SFTPB: variants seen among roughly 807,000 people sequenced by gnomAD.
SFTPB encodes the protein pulmonary surfactant-associated protein B.
SFTPB carries 32 observed loss-of-function variants against 51.0 expected under a neutral mutation model. The ratio of observed to expected loss-of-function variants is 0.63; its 90% confidence interval spans 0.47 to 0.84. SFTPB has a LOEUF of 0.84. SFTPB is among the 40% of genes least tolerant of loss of function. The probability of loss-of-function intolerance (pLI) is 0.00; values close to 1 mark genes in which losing one functional copy is unlikely to be tolerated. For synonymous variants in SFTPB, 211 were observed against 208.5 expected, an observed-to-expected ratio of 1.01 and a Z score of -0.10; for missense variants, 431 against 491.2, an observed-to-expected ratio of 0.88 and a Z score of 1.16.
In SFTPB at chr2:85,659,546, C is replaced by G. The variant is rs114691084; in HGVS notation, c.*156G>C. ...GTGGTCCACCAGTGGAAGTGACTGC[C>G]GAGGAAGGGCGGTGAGGAGGGCGGT... On this transcript the variant is annotated 3_prime_UTR_variant, in exon 11 of 11. Coordinates refer to ENST00000519937, the MANE Select transcript of SFTPB (RefSeq NM_000542.5). 1 of 152,650 alleles carries G rather than the reference C, an allele frequency of 6.6e-6. No homozygotes were observed. Among genetic ancestry groups the G allele is most frequent in the African/African-American group, 2.4e-5 (1 of 41,584 alleles). 9.5% of individuals were successfully genotyped at this position (152,650 alleles called of 1,614,324 possible).
chr2:85,663,918 C>A, intron 6 of SFTPB, 71 bp from the exon 7 acceptor site: 7 of 1,393,390 alleles, frequency 5.0e-6, no homozygotes, highest in Non-Finnish European at 6.8e-6. Flanking sequence ...GCCCAGCACC[C>A]AGCTGGGCAC....
At chr2:85,665,182 A>C in intron 6 of SFTPB, 107 bp downstream of exon 6, 1 of 882,882 alleles carries the variant, frequency 1.1e-6, no homozygotes, top group Non-Finnish European at 1.9e-6. Context: ...AACTTCTGGC[A>C]GCCAGCTGGG....
At position 85,663,527 on chromosome 2, in the gene SFTPB, G is replaced by C. The variant is rs45520240; in HGVS notation, c.857-36C>G. On this transcript the variant is annotated intron_variant, in intron 7 of 10. Transcript: ENST00000519937. Reference sequence around the variant, plus strand: ...GAGCATTAGGGGGAAAGCAGGCAAGGCCACCCTACAGAGGTGTTTGGTTTC... The same window carrying C: ...GAGCATTAGGGGGAAAGCAGGCAAGCCCACCCTACAGAGGTGTTTGGTTTC... 139 of 1,611,700 alleles carry C rather than the reference G, an allele frequency of 8.6e-5. 1 individual carries two copies. In the Admixed American group the frequency reaches 2.2e-3, roughly 26 times the overall value.
intron 6 of SFTPB, 31 bp downstream of exon 6, chr2:85,665,258 C>T (rs45505201): frequency 2.6e-6 from 4 of 1,531,986 alleles, no homozygotes; most frequent in South Asian, 1.1e-5. Flanking sequence ...TGCGTGTGCT[C>T]CTGGGCTCTG....
intron 10 of SFTPB, among the ~76,000 whole-genome samples, chr2:85,660,111 G>A (rs898393308): frequency 6.6e-6 from 1 of 151,136 alleles, no homozygotes; most frequent in African/African-American, 2.4e-5. Context: ...CCTGGCCACA[G>A]GCACCCACTA....
intron 4 of SFTPB, among the ~76,000 whole-genome samples, chr2:85,666,359 CTGTGTG>C (rs57610071): frequency 6.6e-5 from 7 of 106,116 alleles, no homozygotes; most frequent in African/African-American, 1.5e-4. Context: ...GGATAGGGTG[CTGTGTG>C]TGTGTGTGTC....
At chr2:85,660,288 A>ATTT (rs60518418) in intron 10 of SFTPB, among the ~76,000 whole-genome samples, 1,062 of 80,558 alleles carry the variant, frequency 0.013, 124 homozygotes, top group African/African-American at 0.06. Flanking sequence ...CATCTGGCTA[A>ATTT]TTTTTTTTTT....
chr2:85,661,870 T>C (rs35260132), intron 9 of SFTPB, among the ~76,000 whole-genome samples, 159 bp downstream of exon 9: 36 of 152,272 alleles, frequency 2.4e-4, no homozygotes, highest in African/African-American at 8.7e-4. Context: ...CATGATTTTT[T>C]ACACTGAAAC....
chr2:85,664,629 T>G (rs1411084211), intron 6 of SFTPB, among the ~76,000 whole-genome samples: 2 of 152,188 alleles, frequency 1.3e-5, no homozygotes, highest in Non-Finnish European at 2.9e-5. Flanking sequence ...ATCTGGCTAA[T>G]TTTTGTATTC....
chr2:85,666,237 G>GTGTA lies in SFTPB; in HGVS notation c.393+379_393+380insTACA, dbSNP rs1459116948. Among the ~76,000 whole-genome samples, 134 of 146,068 alleles carry GTGTA rather than the reference G, an allele frequency of 9.2e-4. 2 individuals are homozygous for GTGTA. Among genetic ancestry groups the GTGTA allele is most frequent in the South Asian group, 7.2e-3 (33 of 4,552 alleles). On this transcript the variant is annotated intron_variant, in intron 4 of 10. Coordinates refer to ENST00000519937, the MANE Select transcript of SFTPB (RefSeq NM_000542.5). ...GTGCTGTGTGTGTGTGTGTGTGTGT[G>GTGTA]TGTGTGTGTGTGTCTGGCTGGCTGG... is the stretch of plus-strand genomic sequence containing the variant.
rs1440717070 is a variant in SFTPB, at chr2:85,661,519, C to T, written c.1100G>A (p.Gly367Glu). The T allele has an allele frequency of 6.2e-7, 1 of 1,611,624 alleles. No homozygotes were observed. Among genetic ancestry groups the T allele is most frequent in the Admixed American group, 1.7e-5 (1 of 59,752 alleles). Reference protein sequence around the residue: ...HTTCQALGVCGTMSSPLQCIH... With the variant: ...HTTCQALGVCETMSSPLQCIH... ...ACACTGGAGAGGGCTGGACATGGTC[C>T]CACACACCCCGAGGGCCTGTCACAG... The change falls in exon 10 of 11, where the codon GGG becomes GAG. Residue 367 changes from glycine to glutamate, a missense_variant. Physicochemically the swap from Gly to Glu is moderately conservative, Grantham distance 98. Transcript: ENST00000519937.
At chr2:85,659,875 C>T (rs1195360779) in intron 10 of SFTPB, among the ~76,000 whole-genome samples, 193 bp from the exon 11 acceptor site, 1 of 152,212 alleles carries the variant, frequency 6.6e-6, no homozygotes, top group Admixed American at 6.5e-5. Flanking sequence ...GACTCCCCAC[C>T]CCCAGATCCC....
chr2:85,663,641 T>C (rs1434038387), intron 7 of SFTPB, 23 bp downstream of exon 7: 1 of 1,605,284 alleles, frequency 6.2e-7, no homozygotes, highest in Non-Finnish European at 8.5e-7. Context: ...GGCATTGGGC[T>C]AAGGAGTGGG....
chr2:85,665,576 C>T (rs751917158), intron 5 of SFTPB, 30 bp downstream of exon 5: 48 of 1,611,670 alleles, frequency 3.0e-5, no homozygotes, highest in Admixed American at 2.8e-4. Context: ...TCTGGATCTC[C>T]ACTTTACTGG....
intron 8 of SFTPB, 188 bp from the exon 9 acceptor site, chr2:85,662,297 C>T (rs1677345921): frequency 6.9e-7 from 1 of 1,449,590 alleles, no homozygotes; most frequent in Non-Finnish European, 9.1e-7. Context: ...GGAGGACTTC[C>T]ATCAGAAAAG....
Position 85,668,123 on chromosome 2 carries a change from C to T in SFTPB, c.61G>A (p.Gly21Ser), listed in dbSNP as rs1677747290. Residue 21 changes from glycine (G) to serine (S), a missense_variant, in exon 1 of 11, where the codon GGC becomes AGC. Gly to Ser is a moderately conservative substitution (Grantham distance 56). Transcript: ENST00000519937. Reference sequence around the variant, plus strand: ...GAGGCTGGGGGAGACTCACCAGTGCCTGGGCCACAGAGCGTGGGCAGCAGC... The same window carrying T: ...GAGGCTGGGGGAGACTCACCAGTGCTTGGGCCACAGAGCGTGGGCAGCAGC... Reference protein sequence around the residue: ...LLLLPTLCGPGTAAWTTSSLA... With the variant: ...LLLLPTLCGPSTAAWTTSSLA... 6.4e-7 allele frequency: 1 copy of T among 1,551,136 alleles called. No individual in the cohort carries two copies. Among genetic ancestry groups the T allele is most frequent in the African/African-American group, 1.4e-5 (1 of 73,038 alleles).
intron 10 of SFTPB, among the ~76,000 whole-genome samples, chr2:85,660,077 C>A (rs970870319): frequency 4.6e-5 from 7 of 151,570 alleles, no homozygotes; most frequent in African/African-American, 1.7e-4. Flanking sequence ...AGGGCTCAGC[C>A]ATAGCCCCTA....
At chr2:85,661,173 G>C (rs948094094) in intron 10 of SFTPB, 11 of 353,864 alleles carry the variant, frequency 3.1e-5, no homozygotes, top group Non-Finnish European at 4.4e-5. Context: ...CTCTGAGAGG[G>C]AGGCCTGGGA....
rs2104416379 is a variant in SFTPB, at chr2:85,666,983, C to G, written c.267+123G>C. The G allele has an allele frequency of 5.0e-6, 5 of 1,007,310 alleles. No homozygotes were observed. In the South Asian group the frequency reaches 6.7e-5, roughly 13 times the overall value. The allele number at this position is 1,007,310 out of a possible 1,614,324, so 62.4% of individuals were successfully genotyped here. The stretch of plus-strand genomic sequence containing the variant: ...TGCTCCCAGCCAGGAGGAGCTGGGA[C>G]TTCCCAGGCACCCAGGCCTCCTCCT... On this transcript the variant is annotated intron_variant, in intron 3 of 10. Transcript: ENST00000519937.
Sources: gnomAD v4.1 joint callset for allele counts (sites outside exome capture counted in the v4.1 genomes callset) on GRCh38, gnomAD v4.1.1 for gene constraint, MANE v1.5 for transcripts, NCBI Gene and HGNC (gene_info 2026-07-23, HGNC 2026-07-21) for gene names.